MS4A6A: variants seen among roughly 807,000 people sequenced by gnomAD.
The protein encoded by MS4A6A is membrane-spanning 4-domains subfamily A member 6A.
A neutral mutation model predicts 20.6 loss-of-function variants in MS4A6A; 19 were observed. The observed-to-expected ratio is 0.92, with a 90% CI of 0.64 to 1.36. MS4A6A has a LOEUF of 1.36. Among genes scored for constraint, MS4A6A ranks in the 40% most tolerant of loss-of-function variants. The probability of loss-of-function intolerance (pLI) is 0.00; values close to 1 mark genes in which losing one functional copy is unlikely to be tolerated. For synonymous variants in MS4A6A, 108 were observed against 105.0 expected (o/e 1.03, Z -0.17); for missense variants, 272 against 261.1 (o/e 1.04, Z -0.29).
At position 60,172,989 on chromosome 11, in the gene MS4A6A, C is replaced by A. The variant is rs1856655934; in HGVS notation, c.*12G>T. On this transcript the variant is annotated 3_prime_UTR_variant, in exon 6 of 6. Transcript: ENST00000528851. The stretch of plus-strand genomic sequence containing the variant: ...CTCAACACAGTGCAGGGATAAGATA[C>A]ACTAGGCAAGGTTAAGTGAAGCCGG... The A allele has an allele frequency of 6.8e-6, 11 of 1,613,638 alleles. No homozygotes were observed. Among genetic ancestry groups the A allele is most frequent in the Non-Finnish European group, 9.3e-6 (11 of 1,179,786 alleles).
chr11:60,172,164 A>C, downstream of MS4A6A: 1 of 1,610,770 alleles, frequency 6.2e-7, no homozygotes, highest in Non-Finnish European at 8.5e-7. Flanking sequence ...TTTCTTAAGA[A>C]GTCAATAGTT....
chr11:60,183,912 C>A (rs1407863796), upstream of MS4A6A: 2 of 152,288 alleles, frequency 1.3e-5, no homozygotes, highest in South Asian at 2.1e-4. Context: ...GACAGAGGCA[C>A]TGTGCCCCTT....
At chr11:60,181,525 A>G in intron 2 of MS4A6A, 56 bp downstream of exon 2, 1 of 1,596,090 alleles carries the variant, frequency 6.3e-7, no homozygotes, top group Middle Eastern at 1.7e-4. Context: ...CAAGACATAT[A>G]TCATCTCTTG....
At chr11:60,180,093 G>A (rs1857055658) in intron 2 of MS4A6A, 128 bp from the exon 3 acceptor site, 1 of 914,222 alleles carries the variant, frequency 1.1e-6, no homozygotes, top group Admixed American at 2.6e-5. Context: ...CAAACCCTGT[G>A]GAAACTCTGG....
chr11:60,179,712 C>T lies in MS4A6A; in HGVS notation c.282+119G>A, dbSNP rs773651639. On this transcript the variant is annotated intron_variant, in intron 3 of 5. Transcript: ENST00000528851. ...CTACCCGACAGGAGAACAAGATTCA[C>T]CGTTGACTCCTTGCTCCTGGCAGAT... 6 of 1,166,390 alleles carry T rather than the reference C, an allele frequency of 5.1e-6. No individual in the cohort carries two copies. In the Admixed American group the frequency reaches 8.6e-5, roughly 17 times the overall value. The allele number at this position is 1,166,390 out of a possible 1,614,324, so 72.3% of individuals were successfully genotyped here.
downstream of MS4A6A, chr11:60,172,192 T>C (rs368940475): frequency 1.2e-5 from 19 of 1,613,428 alleles, no homozygotes; most frequent in African/African-American, 2.0e-4. Context: ...TCCACAGTCA[T>C]GAGTCATTTT....
Position 60,172,719 on chromosome 11 carries a change from C to G in MS4A6A, c.*282G>C. ...CTAGTGTCCTCAGCAAAGGCACAAA[C>G]TCATAGCATAATGCCAGGCCAGTCA... On this transcript the variant is annotated 3_prime_UTR_variant, in exon 6 of 6. Transcript: ENST00000528851. The G allele has an allele frequency of 8.1e-7, 1 of 1,231,094 alleles. No homozygotes were observed. Among genetic ancestry groups the G allele is most frequent in the South Asian group, 1.7e-5 (1 of 59,010 alleles). 76.3% of individuals were successfully genotyped at this position (1,231,094 alleles called of 1,614,324 possible).
At chr11:60,179,744 T>G in intron 3 of MS4A6A, 87 bp downstream of exon 3, 8 of 1,491,132 alleles carry the variant, frequency 5.4e-6, no homozygotes, top group Non-Finnish European at 7.5e-6. Flanking sequence ...AGATCAAACA[T>G]AGCAAGCTGG....
downstream of MS4A6A, chr11:60,172,211 T>C (rs765149120): frequency 5.0e-6 from 8 of 1,613,622 alleles, no homozygotes; most frequent in Middle Eastern, 1.7e-4. Context: ...TTTGAGGACA[T>C]GCCAGAATTA....
chr11:60,179,490 C>CTTTT, intron 3 of MS4A6A: 1 of 479,348 alleles, frequency 2.1e-6, no homozygotes, highest in African/African-American at 2.0e-5. Flanking sequence ...CATTTATGCT[C>CTTTT]TTTTTTTTTT....
At chr11:60,180,905 T>C (rs1857103465) in intron 2 of MS4A6A, 4 of 403,540 alleles carry the variant, frequency 9.9e-6, no homozygotes, top group South Asian at 5.4e-5. Flanking sequence ...TAGAAACCCA[T>C]GTGATTGTAC....
intron 3 of MS4A6A, chr11:60,178,804 C>A: frequency 4.5e-6 from 2 of 440,478 alleles, no homozygotes; most frequent in Non-Finnish European, 9.0e-6. Context: ...CTCATCATCA[C>A]CACCCAAAAA....
chr11:60,184,396 C>G (rs916910142), upstream of MS4A6A: 4 of 152,228 alleles, frequency 2.6e-5, no homozygotes, highest in Non-Finnish European at 5.9e-5. Context: ...CTTTGTCACC[C>G]TCACAGCATC....
intron 3 of MS4A6A, 118 bp downstream of exon 3, chr11:60,179,713 C>T (rs554751226): frequency 5.9e-6 from 7 of 1,177,706 alleles, no homozygotes; most frequent in Admixed American, 1.7e-5. Flanking sequence ...CAAGATTCAC[C>T]GTTGACTCCT....
chr11:60,175,654 T>C, intron 4 of MS4A6A, 43 bp from the exon 5 acceptor site: 2 of 1,587,652 alleles, frequency 1.3e-6, no homozygotes, highest in East Asian at 2.2e-5. Flanking sequence ...TAATGACTCA[T>C]GAATCTGTTA....
intron 4 of MS4A6A, among the ~76,000 whole-genome samples, chr11:60,176,342 T>C (rs1419401624): frequency 1.3e-5 from 2 of 152,218 alleles, no homozygotes; most frequent in Non-Finnish European, 2.9e-5. Flanking sequence ...GGTCAGAATA[T>C]TGAAGTCACA....
Position 60,178,065 on chromosome 11 carries a change from G to A in MS4A6A, c.339+195C>T, listed in dbSNP as rs1447011766. 8.5e-6 allele frequency: 5 copies of A among 584,918 alleles called. No homozygotes were observed. The East Asian group carries it at 1.5e-4, about 17-fold the overall frequency. The allele number at this position is 584,918 out of a possible 1,614,324, so 36.2% of individuals were successfully genotyped here. On this transcript the variant is annotated intron_variant, in intron 4 of 5. Coordinates refer to ENST00000528851, the MANE Select transcript of MS4A6A (RefSeq NM_022349.4). ...TAATCCCCTGAATGCAGACTTTGAT[G>A]TAGGGTACAATAATTGGAGAAATGT...
At chr11:60,178,958 GA>G (rs1856988845) in intron 3 of MS4A6A, 1 of 293,496 alleles carries the variant, frequency 3.4e-6, no homozygotes, top group South Asian at 3.1e-5. Flanking sequence ...AGAGGACCCT[GA>G]GGAGACATCA....
chr11:60,183,046 C>T lies in MS4A6A; in HGVS notation c.-83G>A. 1.4e-6 allele frequency: 2 copies of T among 1,466,976 alleles called. No homozygotes were observed. The highest frequency in any genetic ancestry group is 1.8e-6 in the Non-Finnish European group (2 of 1,117,222). The allele number at this position is 1,466,976 out of a possible 1,614,324, so 90.9% of individuals were successfully genotyped here. On this transcript the variant is annotated 5_prime_UTR_variant, in exon 1 of 6. It removes an upstream start codon present in the reference 5' UTR. Coordinates refer to ENST00000528851, the MANE Select transcript of MS4A6A (RefSeq NM_022349.4). ...GGTTTTAACTCTGGTTTCTCAGTCCCATCAACGGTTTCTACTTACCTTCAT... is the reference window on the plus strand; with the variant it reads ...GGTTTTAACTCTGGTTTCTCAGTCCTATCAACGGTTTCTACTTACCTTCAT...
Sources: allele counts gnomAD v4.1 joint callset (sites outside exome capture counted in the v4.1 genomes callset), GRCh38; gene constraint gnomAD v4.1.1; transcripts MANE v1.5; gene names NCBI Gene and HGNC (gene_info 2026-07-23, HGNC 2026-07-21).